Variants in ADRA1D observed in about 807,000 individuals in gnomAD.
The protein encoded by ADRA1D is adrenoceptor alpha 1D, also known as alpha-1D adrenergic receptor.
A neutral mutation model predicts 18.6 loss-of-function variants in ADRA1D; 22 were observed. The observed-to-expected ratio is 1.19, with a 90% CI of 0.85 to 1.69. The LOEUF (loss-of-function observed/expected upper bound fraction) is 1.69, where lower values mean the gene tolerates loss of function less well. ADRA1D is among the 40% of genes most tolerant of loss of function. ADRA1D has a pLI of 0.00. For missense variants in ADRA1D, 840 were observed against 840.7 expected (o/e 1.00, Z 0.01); for synonymous variants, 376 against 388.2 (o/e 0.97, Z 0.37).
intron 1 of ADRA1D, among the ~76,000 whole-genome samples, chr20:4,226,227 T>G (rs905997111): frequency 3.3e-5 from 5 of 152,268 alleles, no homozygotes; most frequent in African/African-American, 7.2e-5. Flanking sequence ...ACCTGAAGTC[T>G]GCTGTGAGCT....
At position 4,225,413 on chromosome 20, in the gene ADRA1D, C is replaced by CTTT. The variant is rs796944639; in HGVS notation, c.1112-3286_1112-3284dup. On this transcript the variant is annotated intron_variant, in intron 1 of 1. Transcript: ENST00000379453. ...TCTTAAAAAGTATTGGTAGCTATTA[C>CTTT]TTTTTTTTTTCTTTCTTTTTTTTTT... Among the ~76,000 whole-genome samples, 15 of 126,320 alleles carry CTTT rather than the reference C, an allele frequency of 1.2e-4. No individual in the cohort carries two copies. The South Asian group carries it at 3.4e-3, about 29-fold the overall frequency. 82.9% of individuals were successfully genotyped at this position (126,320 alleles called of 152,430 possible).
intron 1 of ADRA1D, among the ~76,000 whole-genome samples, chr20:4,241,227 G>T (rs1330742064): frequency 6.6e-6 from 1 of 152,140 alleles, no homozygotes; most frequent in East Asian, 1.9e-4. Context: ...AGAGTGGGAT[G>T]GTGGTTTCCA....
rs552666380 is a variant in ADRA1D at position 4,221,812 on chromosome 20, G to T, written c.1430C>A (p.Thr477Lys). ...LPDPDPEPPG[T>K]PEMQAPVASR... ...GGCGACCGGAGCCTGCATCTCGGGC[G>T]TGCCTGGGGGTTCGGGGTCGGGGTC... is the stretch of plus-strand genomic sequence containing the variant. The change falls in exon 2 of 2, where the codon ACG becomes AAG. Residue 477 changes from threonine (T) to lysine (K), a missense_variant. Transcript: ENST00000379453. 2 of 1,542,764 alleles carry T rather than the reference G, an allele frequency of 1.3e-6. No individual in the cohort carries two copies. The highest frequency in any genetic ancestry group is 3.8e-5 in the Admixed American group (2 of 53,166).
At chr20:4,226,228 G>C (rs1487986470) in intron 1 of ADRA1D, among the ~76,000 whole-genome samples, 2 of 152,256 alleles carry the variant, frequency 1.3e-5, no homozygotes, top group Non-Finnish European at 2.9e-5. Context: ...CCTGAAGTCT[G>C]CTGTGAGCTG....
chr20:4,244,663 C>T (rs184454866), intron 1 of ADRA1D, among the ~76,000 whole-genome samples: 47 of 152,378 alleles, frequency 3.1e-4, no homozygotes, highest in African/African-American at 9.9e-4. Context: ...TATCTCCCTC[C>T]TCCCAGGCCT....
chr20:4,230,165 G>C (rs1481252172), intron 1 of ADRA1D, among the ~76,000 whole-genome samples: 2 of 152,170 alleles, frequency 1.3e-5, no homozygotes, highest in Non-Finnish European at 2.9e-5. Flanking sequence ...TGTGCTCCCT[G>C]TCTGGCTCAG....
chr20:4,238,842 A>G (rs1338058321), intron 1 of ADRA1D, among the ~76,000 whole-genome samples: 1 of 152,130 alleles, frequency 6.6e-6, no homozygotes, highest in Non-Finnish European at 1.5e-5. Context: ...GCTCACAGAA[A>G]TAGGAGGAAG....
intron 1 of ADRA1D, among the ~76,000 whole-genome samples, chr20:4,237,836 G>GTATTGATT (rs1555821625): frequency 6.9e-6 from 1 of 144,598 alleles, no homozygotes; most frequent in Admixed American, 6.9e-5. Flanking sequence ...GCTAATTTTT[G>GTATTGATT]TATTTATTTA....
chr20:4,247,111 C>T (rs1025672154), intron 1 of ADRA1D, among the ~76,000 whole-genome samples: 1 of 152,232 alleles, frequency 6.6e-6, no homozygotes, highest in Non-Finnish European at 1.5e-5. Flanking sequence ...CCTCTGAAGA[C>T]AGCTGCCTAC....
chr20:4,226,863 T>C (rs1280636364), intron 1 of ADRA1D, among the ~76,000 whole-genome samples: 3 of 152,188 alleles, frequency 2.0e-5, no homozygotes, highest in Admixed American at 6.5e-5. Context: ...TCAAGAGACT[T>C]CTCCTGTTCC....
intron 1 of ADRA1D, among the ~76,000 whole-genome samples, chr20:4,225,939 A>G (rs1980788470): frequency 6.6e-6 from 1 of 152,068 alleles, no homozygotes; most frequent in South Asian, 2.1e-4. Context: ...ACTAGTGTTG[A>G]CCTCAGCCTC....
chr20:4,227,726 C>CCTTCCTTCCTTCCTTCCTTCCTTT (rs1269921178), intron 1 of ADRA1D, among the ~76,000 whole-genome samples: 1 of 109,484 alleles, frequency 9.1e-6, no homozygotes, highest in Non-Finnish European at 1.8e-5. Context: ...TTCCTTCCTT[C>CCTTCCTTCCTTCCTTCCTTCCTTT]CTTCCTTCCT....
intron 1 of ADRA1D, among the ~76,000 whole-genome samples, chr20:4,234,310 G>A (rs918534641): frequency 3.3e-5 from 5 of 152,304 alleles, no homozygotes; most frequent in African/African-American, 4.8e-5. Context: ...GTCAAGGGGC[G>A]GACTGTGTGA....
chr20:4,248,732 C>G lies in ADRA1D; in HGVS notation c.226G>C (p.Gly76Arg), dbSNP rs1264571174. 1 of 1,541,546 alleles carries G rather than the reference C, an allele frequency of 6.5e-7. No homozygotes were observed. The highest frequency in any genetic ancestry group is 8.7e-7 in the Non-Finnish European group (1 of 1,143,066). ...RSSAGEPGSA[G>R]AGGDVNGTAA... is the part of the protein sequence containing the mutation. The stretch of plus-strand genomic sequence containing the variant: ...GTGCCATTCACGTCGCCGCCCGCGC[C>G]CGCGCTCCCCGGCTCCCCCGCGGAG... Residue 76 changes from glycine (G) to arginine (R), a missense_variant, in exon 1 of 2, where the codon GGC becomes CGC. By Grantham distance (125) the Gly-to-Arg change is moderately radical. Transcript: ENST00000379453.
chr20:4,240,407 CT>C (rs57205653), intron 1 of ADRA1D, among the ~76,000 whole-genome samples: 10,505 of 142,530 alleles, frequency 0.074, 499 homozygotes, highest in South Asian at 0.15. Flanking sequence ...GGATTGTGGG[CT>C]TTTTTTTTTT....
intron 1 of ADRA1D, among the ~76,000 whole-genome samples, chr20:4,227,706 C>CCCTTCCTTCCTTCCTTCCTTT (rs1980844128): frequency 2.8e-5 from 1 of 36,014 alleles, no homozygotes; most frequent in African/African-American, 9.2e-5. Context: ...CTCCCTCCCT[C>CCCTTCCTTCCTTCCTTCCTTT]CTTCCTTCCT....
chr20:4,244,731 C>G (rs971370054), intron 1 of ADRA1D, among the ~76,000 whole-genome samples: 1 of 152,248 alleles, frequency 6.6e-6, no homozygotes, highest in Non-Finnish European at 1.5e-5. Context: ...TGCACAGCCT[C>G]CAGACCCCTC....
chr20:4,244,322 T>G (rs1310434626), intron 1 of ADRA1D, among the ~76,000 whole-genome samples: 1 of 152,188 alleles, frequency 6.6e-6, no homozygotes, highest in Non-Finnish European at 1.5e-5. Flanking sequence ...TCACAGCTAG[T>G]GTGGTGACCA....
chr20:4,241,553 A>G (rs1981213075), intron 1 of ADRA1D, among the ~76,000 whole-genome samples: 2 of 152,184 alleles, frequency 1.3e-5, no homozygotes, highest in African/African-American at 4.8e-5. Flanking sequence ...CTTCTTCTGC[A>G]CACATTTACT....
Sources: allele counts gnomAD v4.1 joint callset (sites outside exome capture counted in the v4.1 genomes callset), GRCh38; gene constraint gnomAD v4.1.1; transcripts MANE v1.5; gene names NCBI Gene and HGNC (gene_info 2026-07-23, HGNC 2026-07-21).